IQGAP2: variants seen among roughly 807,000 people sequenced by gnomAD.
The protein encoded by IQGAP2 is IQ motif containing GTPase activating protein 2, also known as ras GTPase-activating-like protein IQGAP2.
A neutral mutation model predicts 201.3 loss-of-function variants in IQGAP2; 173 were observed. The ratio of observed to expected loss-of-function variants is 0.86; its 90% CI spans 0.76 to 0.98. The LOEUF is 0.98. Among genes scored for constraint, IQGAP2 ranks in the 50% least tolerant of loss-of-function variants. The pLI is 0.00. For missense variants in IQGAP2, 1,687 were observed against 1,864.8 expected (o/e 0.90, Z 1.76); for synonymous variants, 675 against 673.9 (o/e 1.00, Z -0.03).
rs112878151 is a variant in IQGAP2, at chr5:76,590,602, G to C, written c.819+16G>C. ...AAGACTGAAGGTGCTTAGATTCTGA[G>C]TAATAAAAACAGTAATGAATGTGCT... On this transcript the variant is annotated intron_variant, in intron 8 of 35. Coordinates refer to ENST00000274364, the MANE Select transcript of IQGAP2 (RefSeq NM_006633.5). 3.7e-3 allele frequency: 5,942 copies of C among 1,584,706 alleles called. 191 individuals are homozygous for C. In the African/African-American group the frequency reaches 0.07, roughly 19 times the overall value.
At chr5:76,557,449 A>G (rs1185600717) in intron 2 of IQGAP2, among the ~76,000 whole-genome samples, 5 of 152,236 alleles carry the variant, frequency 3.3e-5, no homozygotes, top group Admixed American at 3.3e-4. Flanking sequence ...ACTAGTTGTC[A>G]TTGATAATAA....
intron 1 of IQGAP2, among the ~76,000 whole-genome samples, chr5:76,413,156 CTTTTTTTTTTTTTTTTT>C (rs567410789): frequency 7.2e-5 from 6 of 83,714 alleles, no homozygotes; most frequent in South Asian, 4.3e-4. Flanking sequence ...TTTCTTTTCT[CTTTTTTTTTTTTTTTTT>C]TTTTTTTTTT....
At chr5:76,442,569 A>C (rs976324332) in intron 1 of IQGAP2, among the ~76,000 whole-genome samples, 1 of 152,184 alleles carries the variant, frequency 6.6e-6, no homozygotes. Context: ...GCACCTGGTC[A>C]CTCGTGCTAC....
chr5:76,589,727 A>G lies in IQGAP2; in HGVS notation c.639A>G (p.Ala213=), dbSNP rs776953956. 2 of 1,566,290 alleles carry G rather than the reference A, an allele frequency of 1.3e-6. No individual in the cohort carries two copies. Among genetic ancestry groups the G allele is most frequent in the African/African-American group, 1.4e-5 (1 of 73,430 alleles). ...ATGAACTGTCCGTGGATGAAGCTGC[A>G]TGTAAGTCCATTCAAAATCCAAACT... ...LANELSVDEA[A]LHAAVIAINE... is the part of the protein sequence containing the mutation. Residue 213 remains alanine, a splice_region_variant and synonymous_variant, in exon 7 of 36, where the codon GCA becomes GCG. Coordinates refer to ENST00000274364, the MANE Select transcript of IQGAP2 (RefSeq NM_006633.5).
intron 23 of IQGAP2, among the ~76,000 whole-genome samples, chr5:76,669,418 G>A (rs1051078076): frequency 1.3e-5 from 2 of 152,172 alleles, no homozygotes; most frequent in African/African-American, 4.8e-5. Flanking sequence ...CCAGGTGTCT[G>A]TAAGCCCACG....
intron 1 of IQGAP2, among the ~76,000 whole-genome samples, chr5:76,441,983 C>A (rs1482969775): frequency 6.6e-6 from 1 of 152,090 alleles, no homozygotes; most frequent in Non-Finnish European, 1.5e-5. Context: ...TTGGAGGGAT[C>A]CTACCCATTA....
intron 2 of IQGAP2, among the ~76,000 whole-genome samples, chr5:76,523,547 C>A (rs185751903): frequency 6.6e-6 from 1 of 152,266 alleles, no homozygotes; most frequent in East Asian, 1.9e-4. Context: ...CAAGGCACAG[C>A]TGAATAAGAC....
intron 5 of IQGAP2, among the ~76,000 whole-genome samples, chr5:76,578,845 AGCCTCTGCCTTGAAAAGGAACCAGTTT>A (rs1745645355): frequency 7.0e-6 from 1 of 143,704 alleles, no homozygotes; most frequent in African/African-American, 2.5e-5. Flanking sequence ...AATGTTATAA[AGCCTCTGCCTTGAAAAGGAACCAGTTT>A]AAGAGTGAGA....
intron 16 of IQGAP2, among the ~76,000 whole-genome samples, chr5:76,640,147 A>G (rs1004151304): frequency 6.6e-6 from 1 of 152,216 alleles, no homozygotes; most frequent in African/African-American, 2.4e-5. Context: ...GTTTTATTCA[A>G]TGAATGCATA....
chr5:76,618,627 G>A (rs1321140461), intron 13 of IQGAP2: 7 of 1,611,104 alleles, frequency 4.3e-6, no homozygotes, highest in Middle Eastern at 1.6e-4. Context: ...CAAGTTGTTT[G>A]TATCATTTTC....
intron 2 of IQGAP2, chr5:76,510,292 G>A (rs1757885644): frequency 6.4e-6 from 1 of 155,818 alleles, no homozygotes; most frequent in Non-Finnish European, 1.4e-5. Context: ...GAGCTACTGT[G>A]CCTGGTCTTA....
chr5:76,531,341 A>C (rs1219117070), intron 2 of IQGAP2, among the ~76,000 whole-genome samples: 1 of 152,184 alleles, frequency 6.6e-6, no homozygotes, highest in Non-Finnish European at 1.5e-5. Context: ...ATCATAGCTC[A>C]CTGTAACTTC....
chr5:76,493,317 A>G (rs1274118613), intron 2 of IQGAP2, among the ~76,000 whole-genome samples: 1 of 133,862 alleles, frequency 7.5e-6, no homozygotes, highest in Admixed American at 8.2e-5. Context: ...TGCTCAGCCC[A>G]GCCACTCTGA....
At chr5:76,674,395 T>A in intron 26 of IQGAP2, 82 bp from the exon 27 acceptor site, 1 of 764,038 alleles carries the variant, frequency 1.3e-6, no homozygotes, top group Non-Finnish European at 2.1e-6. Context: ...TAGGAGAATA[T>A]ATATCTTTAA....
At chr5:76,623,167 C>T in intron 13 of IQGAP2, 2 of 1,614,110 alleles carry the variant, frequency 1.2e-6, no homozygotes, top group Non-Finnish European at 1.7e-6. Context: ...AATTGCTTAC[C>T]ACTCTGACAA....
chr5:76,520,706 T>TA (rs899780643), intron 2 of IQGAP2, among the ~76,000 whole-genome samples: 11 of 146,860 alleles, frequency 7.5e-5, no homozygotes, highest in African/African-American at 2.8e-4. Flanking sequence ...TCCTCTTTTT[T>TA]TTTTTTTTTT....
intron 1 of IQGAP2, among the ~76,000 whole-genome samples, chr5:76,442,858 G>A (rs1195488108): frequency 6.6e-6 from 1 of 152,110 alleles, no homozygotes; most frequent in Non-Finnish European, 1.5e-5. Flanking sequence ...ATGGTGGTGG[G>A]TGCCTGTAAT....
chr5:76,442,012 G>A (rs529687058), intron 1 of IQGAP2, among the ~76,000 whole-genome samples: 27 of 152,278 alleles, frequency 1.8e-4, no homozygotes, highest in Middle Eastern at 3.4e-3. Flanking sequence ...ATAGCCATGG[G>A]AGGAAAGAAA....
At chr5:76,438,018 T>TTG (rs1752805116) in intron 1 of IQGAP2, among the ~76,000 whole-genome samples, 2 of 44,078 alleles carry the variant, frequency 4.5e-5, no homozygotes, top group Non-Finnish European at 1.1e-4. Context: ...GTTTTTTTTT[T>TTG]TTTTTTTTTT....
Sources: gnomAD v4.1 joint callset for allele counts (sites outside exome capture counted in the v4.1 genomes callset) on GRCh38, gnomAD v4.1.1 for gene constraint, MANE v1.5 for transcripts, NCBI Gene and HGNC (gene_info 2026-07-23, HGNC 2026-07-21) for gene names.